Variants in ANTXR1 observed in about 807,000 individuals in gnomAD.
ANTXR1 encodes the protein anthrax toxin receptor 1.
ANTXR1 carries 19 observed loss-of-function variants against 78.1 expected under a neutral mutation model. The ratio of observed to expected loss-of-function variants is 0.24; its 90% CI spans 0.17 to 0.36. ANTXR1 has a LOEUF of 0.36. Ranked by LOEUF, ANTXR1 falls within the 10% of genes least tolerant of loss-of-function variation. The pLI is 1.00. For synonymous variants in ANTXR1, 273 were observed against 260.5 expected (o/e 1.05, Z -0.46); for missense variants, 518 against 718.6 (o/e 0.72, Z 3.19).
At chr2:69,165,661 G>A (rs931115577) in intron 13 of ANTXR1, among the ~76,000 whole-genome samples, 9 of 152,252 alleles carry the variant, frequency 5.9e-5, no homozygotes, top group African/African-American at 2.2e-4. Flanking sequence ...CCTGACTCGC[G>A]GCTTCAAACG....
At chr2:69,140,484 G>A (rs2104413534) in intron 12 of ANTXR1, among the ~76,000 whole-genome samples, 1 of 152,254 alleles carries the variant, frequency 6.6e-6, no homozygotes, top group African/African-American at 2.4e-5. Flanking sequence ...AGGGGATTAG[G>A]GGAATATCAT....
intron 14 of ANTXR1, among the ~76,000 whole-genome samples, chr2:69,178,416 G>A (rs1674188581): frequency 6.6e-6 from 1 of 152,198 alleles, no homozygotes; most frequent in Admixed American, 6.5e-5. Context: ...TGGCGCGGCA[G>A]CGTGTGGAGA....
chr2:69,187,785 T>C (rs139573633), intron 16 of ANTXR1, among the ~76,000 whole-genome samples: 299 of 151,130 alleles, frequency 2.0e-3, no homozygotes, highest in African/African-American at 6.7e-3. Flanking sequence ...CAGACTGGGT[T>C]TCATCATGTT....
chr2:69,029,614 G>GC lies in ANTXR1; in HGVS notation c.153-10430_153-10429insC, dbSNP rs11462672. On this transcript the variant is annotated intron_variant, in intron 1 of 17. Coordinates refer to ENST00000303714, the MANE Select transcript of ANTXR1 (RefSeq NM_032208.3). ...GAAAGTGAGATTCAGACTGGCGTTA[G>GC]TTTTTTTACTCTACACATTAAATGT... Among the ~76,000 whole-genome samples, 1,037 of 151,852 alleles carry GC rather than the reference G, an allele frequency of 6.8e-3. 14 individuals are homozygous for GC. The highest frequency in any genetic ancestry group is 0.024 in the African/African-American group (988 of 41,432).
At chr2:69,124,061 TGGGAA>T (rs1411246585) in intron 11 of ANTXR1, among the ~76,000 whole-genome samples, 1 of 152,114 alleles carries the variant, frequency 6.6e-6, no homozygotes, top group African/African-American at 2.4e-5. Flanking sequence ...TGTCTTAGAG[TGGGAA>T]GAGATGGAAG....
chr2:69,107,124 G>A lies in ANTXR1; in HGVS notation c.802+4184G>A, dbSNP rs980905760. Among the ~76,000 whole-genome samples, 8 of 150,534 alleles carry A rather than the reference G, an allele frequency of 5.3e-5. No individual in the cohort carries two copies. In the Middle Eastern group the frequency reaches 0.01, roughly 193 times the overall value. On this transcript the variant is annotated intron_variant, in intron 10 of 17. Coordinates refer to ENST00000303714, the MANE Select transcript of ANTXR1 (RefSeq NM_032208.3). ...TTTGAGGAAATTTCATCCCCCCCCC[G>A]AACGAAAGCACCACATCCAGATTTT...
chr2:69,053,451 T>A (rs537246982), intron 3 of ANTXR1, among the ~76,000 whole-genome samples: 3 of 152,304 alleles, frequency 2.0e-5, no homozygotes, highest in Middle Eastern at 3.4e-3. Context: ...GCTTTTCTTC[T>A]TGTGCTCTAG....
At chr2:69,090,766 C>T in intron 8 of ANTXR1, 93 bp from the exon 9 acceptor site, 1 of 1,295,228 alleles carries the variant, frequency 7.7e-7, no homozygotes, top group South Asian at 1.2e-5. Context: ...TTGAACCTTC[C>T]TATCTCTATC....
intron 14 of ANTXR1, among the ~76,000 whole-genome samples, chr2:69,175,923 C>T (rs748253549): frequency 6.6e-6 from 1 of 151,994 alleles, no homozygotes; most frequent in Non-Finnish European, 1.5e-5. Flanking sequence ...TTATACAGGG[C>T]CAGATAAGTT....
At position 69,207,962 on chromosome 2, in the gene ANTXR1, A is replaced by G. The variant is rs564483250; in HGVS notation, c.1434+14547A>G. Among the ~76,000 whole-genome samples the G allele has an allele frequency of 7.9e-5, 12 of 152,298 alleles. No homozygotes were observed. The East Asian group carries it at 2.3e-3, about 29-fold the overall frequency. On this transcript the variant is annotated intron_variant, in intron 17 of 17. Transcript: ENST00000303714. ...GGAAGTGCATGCTGATTGGTTTGTGAGTATGCAAAAATGGTTAAAGCAAAG... is the reference window on the plus strand; with the variant it reads ...GGAAGTGCATGCTGATTGGTTTGTGGGTATGCAAAAATGGTTAAAGCAAAG...
At chr2:69,039,768 C>T (rs189997492) in intron 1 of ANTXR1, among the ~76,000 whole-genome samples, 5 of 149,766 alleles carry the variant, frequency 3.3e-5, no homozygotes, top group Admixed American at 1.3e-4. Flanking sequence ...TTGGGCCCAG[C>T]GTTTGTTGTT....
intron 17 of ANTXR1, among the ~76,000 whole-genome samples, chr2:69,227,236 C>T (rs1012962242): frequency 1.3e-5 from 2 of 152,106 alleles, no homozygotes; most frequent in African/African-American, 2.4e-5. Context: ...TACTGTCTTC[C>T]TTTAGTTTTA....
At chr2:69,238,056 T>A (rs115531561) in intron 17 of ANTXR1, among the ~76,000 whole-genome samples, 2,871 of 152,314 alleles carry the variant, frequency 0.019, 55 homozygotes, top group Non-Finnish European at 0.026. Flanking sequence ...TGCTTCTCCC[T>A]GACTGTGGCA....
At chr2:69,221,683 C>CAAAA (rs200296772) in intron 17 of ANTXR1, among the ~76,000 whole-genome samples, 1 of 80,458 alleles carries the variant, frequency 1.2e-5, no homozygotes, top group Non-Finnish European at 3.0e-5. Context: ...TTCCCCACTA[C>CAAAA]AAAAAAAAAA....
At chr2:69,048,825 T>C (rs927930669) in intron 3 of ANTXR1, among the ~76,000 whole-genome samples, 3 of 152,332 alleles carry the variant, frequency 2.0e-5, no homozygotes, top group Middle Eastern at 3.4e-3. Context: ...ACATACATTT[T>C]AAATAATTTT....
At position 69,110,654 on chromosome 2, in the gene ANTXR1, A is replaced by T. The variant is rs577087290; in HGVS notation, c.802+7714A>T. ...CGGGCGGATCACAAGGTCTCCGGAG[A>T]TGGAGACCATCCTGGCTAACACGGT... On this transcript the variant is annotated intron_variant, in intron 10 of 17. Coordinates refer to ENST00000303714, the MANE Select transcript of ANTXR1 (RefSeq NM_032208.3). 4.0e-3 allele frequency among the ~76,000 whole-genome samples: 609 copies of T among 152,210 alleles called. 3 individuals carry two copies. Among genetic ancestry groups the T allele is most frequent in the African/African-American group, 0.014 (581 of 41,526 alleles).
intron 17 of ANTXR1, among the ~76,000 whole-genome samples, chr2:69,224,002 A>G (rs1675383527): frequency 6.6e-6 from 1 of 152,216 alleles, no homozygotes; most frequent in African/African-American, 2.4e-5. Context: ...GCCAATGACA[A>G]GTTGAATGCT....
At chr2:69,047,222 G>A (rs1489962871) in intron 3 of ANTXR1, among the ~76,000 whole-genome samples, 4 of 152,074 alleles carry the variant, frequency 2.6e-5, no homozygotes, top group African/African-American at 4.8e-5. Flanking sequence ...GACTGTATTC[G>A]CATTCAGTTC....
rs149754894 is a variant in ANTXR1 at position 69,185,360 on chromosome 2, T to C, written c.1353+2700T>C. Among the ~76,000 whole-genome samples, 1,095 of 152,032 alleles carry C rather than the reference T, an allele frequency of 7.2e-3. 12 individuals carry two copies. Among genetic ancestry groups the C allele is most frequent in the African/African-American group, 0.025 (1,036 of 41,482 alleles). The stretch of plus-strand genomic sequence containing the variant: ...TTGAGACCAGCCCCGGCCAACATGG[T>C]GAAACCCTGTCTCTACTAAAAATAC... On this transcript the variant is annotated intron_variant, in intron 16 of 17. Transcript: ENST00000303714.
Sources: allele counts gnomAD v4.1 joint callset (sites outside exome capture counted in the v4.1 genomes callset), GRCh38; gene constraint gnomAD v4.1.1; transcripts MANE v1.5; gene names NCBI Gene and HGNC (gene_info 2026-07-23, HGNC 2026-07-21).